YJU2B: variants seen among roughly 807,000 people sequenced by gnomAD.
YJU2B encodes YJU2 splicing factor homolog B.
A neutral mutation model predicts 38.0 loss-of-function variants in YJU2B; 18 were observed. The observed-to-expected ratio is 0.47, with a 90% CI of 0.33 to 0.70. The LOEUF (loss-of-function observed/expected upper bound fraction) is 0.70, where lower values mean the gene tolerates loss of function less well. YJU2B is among the 30% of genes least tolerant of loss of function. The pLI, the probability that YJU2B is intolerant of heterozygous loss-of-function variation, is 0.02. For synonymous variants in YJU2B, 246 were observed against 225.4 expected, an observed-to-expected ratio of 1.09 and a Z score of -0.82; for missense variants, 538 against 556.3, an observed-to-expected ratio of 0.97 and a Z score of 0.33.
Position 13,756,190 on chromosome 19 carries a change from C to T in YJU2B, c.58-7C>T, listed in dbSNP as rs1255080253. Reference sequence around the variant, plus strand: ...GCACTAATCCGCTCCTCATCCTCTCCACACAGCATGGCTCTCTCAACCGAT... The same window carrying T: ...GCACTAATCCGCTCCTCATCCTCTCTACACAGCATGGCTCTCTCAACCGAT... On this transcript the variant is annotated splice_polypyrimidine_tract_variant and splice_region_variant and intron_variant, in intron 3 of 9. Coordinates refer to ENST00000221554, the MANE Select transcript of YJU2B (RefSeq NM_030818.4). The T allele has an allele frequency of 5.0e-6, 8 of 1,613,412 alleles. No individual in the cohort carries two copies. Among genetic ancestry groups the T allele is most frequent in the African/African-American group, 1.3e-5 (1 of 74,898 alleles).
chr19:13,731,915 G>A (rs1028316730), exon 1 of YJU2B: 5 of 152,282 alleles, frequency 3.3e-5, no homozygotes, highest in African/African-American at 1.2e-4. Context: ...CTCTGGAGAA[G>A]ACCATCGCCT....
chr19:13,745,110 T>G (rs1305379777), upstream of YJU2B, among the ~76,000 whole-genome samples: 2 of 152,122 alleles, frequency 1.3e-5, no homozygotes, highest in East Asian at 3.8e-4. Context: ...CAGTTGTAGG[T>G]CAGCTCCTCC....
upstream of YJU2B, among the ~76,000 whole-genome samples, chr19:13,745,728 T>TATAG (rs1491142145): frequency 4.9e-5 from 4 of 81,962 alleles, no homozygotes; most frequent in South Asian, 1.2e-3. Context: ...TATAGATATC[T>TATAG]ATATATATAT....
At chr19:13,733,796 G>C (rs186524225) in intron 2 of YJU2B, among the ~76,000 whole-genome samples, 13 of 152,330 alleles carry the variant, frequency 8.5e-5, no homozygotes, top group Admixed American at 1.3e-4. Flanking sequence ...AAAAATGTCT[G>C]CAGACATTGC....
At chr19:13,757,718 C>T (rs566269012) in intron 5 of YJU2B, 68 bp from the exon 6 acceptor site, 18 of 1,485,562 alleles carry the variant, frequency 1.2e-5, no homozygotes, top group East Asian at 6.8e-5. Flanking sequence ...CCTCTTTGTA[C>T]CTCATTTTAC....
intron 3 of YJU2B, among the ~76,000 whole-genome samples, chr19:13,755,716 G>A (rs919934020): frequency 4.6e-5 from 7 of 152,128 alleles, no homozygotes; most frequent in Non-Finnish European, 7.3e-5. Flanking sequence ...AGCACTTTGG[G>A]AGGCCGAGGC....
chr19:13,761,406 AT>A (rs1229143887), intron 8 of YJU2B: 1 of 152,434 alleles, frequency 6.6e-6, no homozygotes, highest in Non-Finnish European at 1.5e-5. Context: ...ATTAAACTAA[AT>A]TAAAAAATAA....
At chr19:13,745,271 G>A (rs900522293), upstream of YJU2B, among the ~76,000 whole-genome samples, 6 of 152,150 alleles carry the variant, frequency 3.9e-5, no homozygotes, top group Non-Finnish European at 7.3e-5. Flanking sequence ...TGCCTAGTGG[G>A]TAGTGAGCAC....
At chr19:13,756,992 T>A (rs1273550494) in intron 4 of YJU2B, among the ~76,000 whole-genome samples, 1 of 119,146 alleles carries the variant, frequency 8.4e-6, no homozygotes, top group African/African-American at 3.2e-5. Flanking sequence ...AAAAAAAAAA[T>A]TCGCCGGAAT....
At chr19:13,751,144 A>G (rs140692349) in intron 1 of YJU2B, among the ~76,000 whole-genome samples, 1 of 151,996 alleles carries the variant, frequency 6.6e-6, no homozygotes. Flanking sequence ...CCAGCTGGGC[A>G]TGGTGGCTCA....
intron 1 of YJU2B, among the ~76,000 whole-genome samples, chr19:13,750,086 C>G (rs1973398266): frequency 6.6e-6 from 1 of 152,208 alleles, no homozygotes; most frequent in Non-Finnish European, 1.5e-5. Flanking sequence ...TGACATTTAT[C>G]TGGGCCTGGC....
chr19:13,750,054 T>C (rs1185665599), intron 1 of YJU2B, among the ~76,000 whole-genome samples: 3 of 152,194 alleles, frequency 2.0e-5, no homozygotes, highest in Non-Finnish European at 4.4e-5. Flanking sequence ...CCTCATTCAG[T>C]TATCTCAGTT....
In YJU2B at chr19:13,756,077, C is replaced by T. The variant is rs1857940398; in HGVS notation, c.58-120C>T. ...TGCTATGAACACCCGTCCTGCAGGACATAAGAATCAAGGCCTCTCCCACCT... is the reference window on the plus strand; with the variant it reads ...TGCTATGAACACCCGTCCTGCAGGATATAAGAATCAAGGCCTCTCCCACCT... On this transcript the variant is annotated intron_variant, in intron 3 of 9. Transcript: ENST00000221554. 9 of 763,130 alleles carry T rather than the reference C, an allele frequency of 1.2e-5. 1 individual carries two copies. The highest frequency in any genetic ancestry group is 5.9e-5 in the South Asian group (4 of 68,308). 47.3% of individuals were successfully genotyped at this position (763,130 alleles called of 1,614,324 possible). A position where few individuals can be genotyped will look rare whatever the true frequency, so the allele number is the denominator to read the frequency against.
chr19:13,760,085 C>T (rs951567621), intron 8 of YJU2B, among the ~76,000 whole-genome samples: 2 of 151,756 alleles, frequency 1.3e-5, no homozygotes, highest in South Asian at 4.2e-4. Flanking sequence ...AGCCACCGCA[C>T]CTGGCCAATT....
At chr19:13,760,165 G>T (rs1973834976) in intron 8 of YJU2B, among the ~76,000 whole-genome samples, 1 of 151,658 alleles carries the variant, frequency 6.6e-6, no homozygotes, top group South Asian at 2.1e-4. Flanking sequence ...AACCTCAAGT[G>T]ATCCACCGTG....
chr19:13,762,930 G>C lies in YJU2B; in HGVS notation c.1053G>C (p.Gly351=), dbSNP rs748867066. The change falls in exon 10 of 10, where the codon GGG becomes GGC. Residue 351 remains glycine (G), a synonymous_variant. Coordinates refer to ENST00000221554, the MANE Select transcript of YJU2B (RefSeq NM_030818.4). ...TETPKCSSPR[G]QEGSRQDKPL... ...CCCCCAAGTGCAGCAGCCCGAGGGG[G>C]CAGGAAGGGAGCCGTCAGGACAAGC... is the stretch of plus-strand genomic sequence containing the variant. 2 of 1,611,822 alleles carry C rather than the reference G, an allele frequency of 1.2e-6. No homozygotes were observed. The highest frequency in any genetic ancestry group is 1.7e-5 in the Admixed American group (1 of 59,900).
intron 3 of YJU2B, 90 bp from the exon 4 acceptor site, chr19:13,756,107 G>A (rs1973656497): frequency 9.9e-7 from 1 of 1,006,728 alleles, no homozygotes; most frequent in South Asian, 1.3e-5. Context: ...CCACCTGTGA[G>A]ACACTTGTCC....
intron 6 of YJU2B, 76 bp downstream of exon 6, chr19:13,757,922 G>A: frequency 7.6e-7 from 1 of 1,324,442 alleles, no homozygotes; most frequent in Non-Finnish European, 1.1e-6. Context: ...AGCCTGAGTT[G>A]CGGGGGGAAC....
chr19:13,751,074 A>G (rs1474181451), intron 1 of YJU2B, among the ~76,000 whole-genome samples: 2 of 152,198 alleles, frequency 1.3e-5, no homozygotes, highest in Non-Finnish European at 1.5e-5. Context: ...TCTAAAAACC[A>G]TATGAATCAT....
Sources: gnomAD v4.1 joint callset for allele counts (sites outside exome capture counted in the v4.1 genomes callset) on GRCh38, gnomAD v4.1.1 for gene constraint, MANE v1.5 for transcripts, NCBI Gene and HGNC (gene_info 2026-07-23, HGNC 2026-07-21) for gene names.